PDGFD: variants seen among roughly 807,000 people sequenced by gnomAD.
PDGFD encodes platelet derived growth factor D.
PDGFD carries 30 observed loss-of-function variants against 44.7 expected under a neutral mutation model. That is an observed-to-expected ratio of 0.67 (90% confidence interval 0.50 to 0.91). The LOEUF is 0.91. Among genes scored for constraint, PDGFD ranks in the 40% least tolerant of loss-of-function variants. The probability of loss-of-function intolerance (pLI) is 0.00; values close to 1 mark genes in which losing one functional copy is unlikely to be tolerated. For synonymous variants in PDGFD, 173 were observed against 168.4 expected (o/e 1.03, Z -0.21); for missense variants, 445 against 457.8 (o/e 0.97, Z 0.25).
At chr11:104,133,560 ATGT>A (rs1861955260) in intron 1 of PDGFD, among the ~76,000 whole-genome samples, 1 of 152,166 alleles carries the variant, frequency 6.6e-6, no homozygotes, top group African/African-American at 2.4e-5. Context: ...GTATGGCAGT[ATGT>A]GACAAATGCT....
chr11:104,134,483 C>T (rs1861971965), intron 1 of PDGFD, among the ~76,000 whole-genome samples: 1 of 152,136 alleles, frequency 6.6e-6, no homozygotes, highest in Admixed American at 6.5e-5. Context: ...AGTCATACAG[C>T]TTCAGAAACA....
intron 3 of PDGFD, 105 bp from the exon 4 acceptor site, chr11:103,947,829 CA>C (rs1858687222): frequency 1.2e-6 from 1 of 839,382 alleles, no homozygotes; most frequent in African/African-American, 1.7e-5. Context: ...AACTAAGTGA[CA>C]ACAGACATAG....
At chr11:104,043,714 A>C (rs1860395889) in intron 1 of PDGFD, among the ~76,000 whole-genome samples, 1 of 152,180 alleles carries the variant, frequency 6.6e-6, no homozygotes, top group Non-Finnish European at 1.5e-5. Flanking sequence ...ATGGTGGAAG[A>C]CAAAGAGGGA....
chr11:103,955,322 T>TTGGAGGCCTGTGTCC (rs1342143302), intron 3 of PDGFD, among the ~76,000 whole-genome samples: 3 of 152,026 alleles, frequency 2.0e-5, no homozygotes, highest in Non-Finnish European at 4.4e-5. Flanking sequence ...AAAGCCAAAC[T>TTGGAGGCCTGTGTCC]TGGAGGCCTG....
chr11:104,051,575 T>G (rs1254070752), intron 1 of PDGFD, among the ~76,000 whole-genome samples: 2 of 151,992 alleles, frequency 1.3e-5, no homozygotes, highest in Non-Finnish European at 2.9e-5. Context: ...AAATTTAAGG[T>G]AGGTGATTGT....
chr11:103,973,846 C>T (rs1053727173), intron 3 of PDGFD, among the ~76,000 whole-genome samples: 2 of 152,040 alleles, frequency 1.3e-5, no homozygotes, highest in East Asian at 1.9e-4. Flanking sequence ...AGAGAGAGAG[C>T]GCTAAGGAGC....
At chr11:103,923,720 A>G (rs1421606206) in intron 6 of PDGFD, among the ~76,000 whole-genome samples, 1 of 152,188 alleles carries the variant, frequency 6.6e-6, no homozygotes, top group Non-Finnish European at 1.5e-5. Flanking sequence ...GATAATTGTG[A>G]CACATCTCAA....
intron 1 of PDGFD, among the ~76,000 whole-genome samples, chr11:104,140,686 T>C (rs1200835351): frequency 3.3e-5 from 5 of 152,110 alleles, no homozygotes; most frequent in Non-Finnish European, 7.4e-5. Flanking sequence ...TTTCTAACTA[T>C]ATCCCCCCCT....
At chr11:104,113,462 T>C (rs1056248519) in intron 1 of PDGFD, among the ~76,000 whole-genome samples, 1 of 152,184 alleles carries the variant, frequency 6.6e-6, no homozygotes, top group African/African-American at 2.4e-5. Context: ...TTTTCAGCAC[T>C]GAATAATATT....
At chr11:104,056,920 G>A (rs937007260) in intron 1 of PDGFD, among the ~76,000 whole-genome samples, 7 of 152,076 alleles carry the variant, frequency 4.6e-5, no homozygotes, top group African/African-American at 1.7e-4. Context: ...AGGAGGTTAG[G>A]AGCTCGAGAC....
intron 3 of PDGFD, among the ~76,000 whole-genome samples, chr11:103,989,386 T>C (rs924375364): frequency 1.3e-5 from 2 of 152,214 alleles, no homozygotes; most frequent in Non-Finnish European, 2.9e-5. Flanking sequence ...GTGCCTTCAT[T>C]TTCTCTGCGG....
intron 1 of PDGFD, among the ~76,000 whole-genome samples, chr11:104,095,164 A>G (rs1036410809): frequency 6.6e-6 from 1 of 152,070 alleles, no homozygotes; most frequent in African/African-American, 2.4e-5. Context: ...CCAAACCTCA[A>G]TTAGAATCCC....
intron 1 of PDGFD, among the ~76,000 whole-genome samples, chr11:104,025,880 C>A (rs1317905418): frequency 6.6e-6 from 1 of 152,236 alleles, no homozygotes; most frequent in Non-Finnish European, 1.5e-5. Flanking sequence ...AAGGTAGCAT[C>A]TTTCTAAACC....
chr11:104,164,027 G>T lies in PDGFD; in HGVS notation c.-100C>A, dbSNP rs1031591139. Reference sequence around the variant, plus strand: ...CCCTGCGCTCTCGCCGCCTGCGCTCGCCCTGCGCTGGCCCGGGTCGCTGTG... The same window carrying T: ...CCCTGCGCTCTCGCCGCCTGCGCTCTCCCTGCGCTGGCCCGGGTCGCTGTG... On this transcript the variant is annotated 5_prime_UTR_variant, in exon 1 of 7. Coordinates refer to ENST00000393158, the MANE Select transcript of PDGFD (RefSeq NM_025208.5). 4.5e-6 allele frequency: 6 copies of T among 1,327,036 alleles called. No individual in the cohort carries two copies. The highest frequency in any genetic ancestry group is 1.5e-5 in the African/African-American group (1 of 68,042). 82.2% of individuals were successfully genotyped at this position (1,327,036 alleles called of 1,614,324 possible).
At chr11:103,969,942 A>G (rs114017922) in intron 3 of PDGFD, among the ~76,000 whole-genome samples, 2,192 of 152,170 alleles carry the variant, frequency 0.014, 54 homozygotes, top group African/African-American at 0.049. Context: ...ATTTAAAACA[A>G]TACAGAGTTT....
intron 1 of PDGFD, among the ~76,000 whole-genome samples, chr11:104,120,533 T>C (rs1422190188): frequency 6.6e-6 from 1 of 151,928 alleles, no homozygotes; most frequent in East Asian, 1.9e-4. Context: ...TTATTCAATA[T>C]TATCTTTTAA....
intron 1 of PDGFD, among the ~76,000 whole-genome samples, chr11:104,013,095 A>T (rs1859807157): frequency 6.6e-6 from 1 of 152,184 alleles, no homozygotes; most frequent in East Asian, 1.9e-4. Context: ...TATGGCAGAG[A>T]AGGAGAAAAA....
chr11:103,986,176 C>T (rs1859359994), intron 3 of PDGFD, among the ~76,000 whole-genome samples: 1 of 152,138 alleles, frequency 6.6e-6, no homozygotes, highest in Non-Finnish European at 1.5e-5. Context: ...CTGGATGAGT[C>T]CTGTCTCTTT....
At chr11:104,150,086 T>C (rs1157773222) in intron 1 of PDGFD, among the ~76,000 whole-genome samples, 3 of 152,102 alleles carry the variant, frequency 2.0e-5, no homozygotes, top group African/African-American at 7.2e-5. Flanking sequence ...CAGAACCTTG[T>C]ATAGGAGCAG....
Sources: allele counts gnomAD v4.1 joint callset (sites outside exome capture counted in the v4.1 genomes callset), GRCh38; gene constraint gnomAD v4.1.1; transcripts MANE v1.5; gene names NCBI Gene and HGNC (gene_info 2026-07-23, HGNC 2026-07-21).